Variants in FAM156A observed in about 807,000 individuals in gnomAD.
The protein encoded by FAM156A is family with sequence similarity 156 member A.
At chrX:52,984,652 G>A (rs1930136094) in intron 1 of FAM156A, among the ~76,000 whole-genome samples, 1 of 111,808 alleles carries the variant, frequency 8.9e-6, no homozygotes, top group African/African-American at 3.3e-5. Flanking sequence ...TGGATCACCT[G>A]AGGTCAGGAG....
chrX:52,987,284 C>A (rs1930361486), intron 1 of FAM156A, among the ~76,000 whole-genome samples: 1 of 111,948 alleles, frequency 8.9e-6, no homozygotes, highest in Non-Finnish European at 1.9e-5. Context: ...CATGCAATTC[C>A]AATGAAATTC....
intron 1 of FAM156A, among the ~76,000 whole-genome samples, chrX:52,985,528 C>T (rs1024608825): frequency 9.1e-6 from 1 of 109,863 alleles, no homozygotes; most frequent in African/African-American, 3.3e-5. Context: ...CCAAAGTAAG[C>T]AGAATGAGGG....
chrX:52,975,889 A>T (rs1929432871), intron 1 of FAM156A, among the ~76,000 whole-genome samples: 1 of 111,742 alleles, frequency 8.9e-6, no homozygotes, highest in African/African-American at 3.3e-5. Context: ...GCCTCCTCTT[A>T]TGGACATGCG....
intron 1 of FAM156A, among the ~76,000 whole-genome samples, chrX:52,984,981 A>G (rs1221690451): frequency 9.0e-6 from 1 of 111,717 alleles, no homozygotes; most frequent in Non-Finnish European, 1.9e-5. Context: ...TCTCAGTAAT[A>G]TATAGAAATA....
At chrX:52,981,790 TACTC>T (rs1441486774) in intron 1 of FAM156A, among the ~76,000 whole-genome samples, 1 of 110,566 alleles carries the variant, frequency 9.0e-6, no homozygotes, top group East Asian at 2.8e-4. Context: ...GATTTCAACA[TACTC>T]ACAGAAATTT....
intron 1 of FAM156A, among the ~76,000 whole-genome samples, chrX:52,992,703 G>A (rs1602066327): frequency 9.1e-6 from 1 of 110,338 alleles, no homozygotes; most frequent in East Asian, 2.9e-4. Context: ...ATAGTTCAAG[G>A]TCGATCACCA....
intron 1 of FAM156A, among the ~76,000 whole-genome samples, chrX:52,985,316 G>A (rs1556794201): frequency 9.0e-6 from 1 of 110,790 alleles, no homozygotes; most frequent in African/African-American, 3.3e-5. Context: ...ATGGGTCAAG[G>A]AGCAATACAA....
Position 52,990,811 on chromosome X carries a change from G to GAAAAGAAAAT in FAM156A, c.-434+4494_-434+4495insATTTTCTTTT, listed in dbSNP as rs1930693702. ...AGAAAAGAAAAGAAAGAAAAGAAAA[G>GAAAAGAAAAT]AAAAGAAAAGAAAAGAAAAGAAAAG... On this transcript the variant is annotated intron_variant, in intron 1 of 4. Transcript: ENST00000610625. Among the ~76,000 whole-genome samples the GAAAAGAAAAT allele has an allele frequency of 6.2e-5, 5 of 80,717 alleles. No homozygotes were observed. The South Asian group carries it at 2.8e-3, about 45-fold the overall frequency. 70.1% of individuals were successfully genotyped at this position (80,717 alleles called of 115,157 possible). A position where few individuals can be genotyped will look rare whatever the true frequency, so the allele number is the denominator to read the frequency against.
At chrX:52,979,771 C>T (rs188054467) in intron 1 of FAM156A, among the ~76,000 whole-genome samples, 430 of 112,169 alleles carry the variant, frequency 3.8e-3, no homozygotes, top group Non-Finnish European at 7.0e-3. Context: ...TTTCTTATCA[C>T]AAGAAAGCAA....
chrX:52,986,083 A>G (rs1299906726), intron 1 of FAM156A, among the ~76,000 whole-genome samples: 1 of 110,431 alleles, frequency 9.1e-6, no homozygotes, highest in Non-Finnish European at 1.9e-5. Context: ...ACAAACATAC[A>G]TGTGCATGTG....
At chrX:52,975,051 TACACACACACACACAC>T (rs61081750) in intron 1 of FAM156A, among the ~76,000 whole-genome samples, 23 of 83,669 alleles carry the variant, frequency 2.7e-4, no homozygotes, top group Middle Eastern at 6.5e-3. Flanking sequence ...GTTAAACACA[TACACACACACACACAC>T]ACACACACAC....
At chrX:52,994,839 G>A (rs1239229056) in intron 1 of FAM156A, among the ~76,000 whole-genome samples, 2 of 110,893 alleles carry the variant, frequency 1.8e-5, no homozygotes, top group African/African-American at 6.6e-5. Context: ...ACTTAGCCGG[G>A]CATGGTGGTG....
At chrX:52,978,502 T>A (rs1556792765) in intron 1 of FAM156A, among the ~76,000 whole-genome samples, 1 of 112,264 alleles carries the variant, frequency 8.9e-6, no homozygotes, top group Non-Finnish European at 1.9e-5. Context: ...GTTAAGGAAC[T>A]TTCTCAGGGT....
intron 1 of FAM156A, among the ~76,000 whole-genome samples, chrX:52,980,699 G>A (rs1308752764): frequency 9.0e-6 from 1 of 111,118 alleles, no homozygotes; most frequent in East Asian, 2.9e-4. Context: ...TAGGAGCCAT[G>A]CAACAGAGTG....
intron 1 of FAM156A, among the ~76,000 whole-genome samples, chrX:52,978,910 C>T (rs1929673537): frequency 8.9e-6 from 1 of 112,200 alleles, no homozygotes; most frequent in Admixed American, 9.5e-5. Context: ...TGCTCAGACA[C>T]GTTTCCATGA....
chrX:52,990,599 C>A (rs1930630795), intron 1 of FAM156A, among the ~76,000 whole-genome samples: 1 of 110,080 alleles, frequency 9.1e-6, no homozygotes, highest in Admixed American at 9.8e-5. Context: ...GCCCGGCCAT[C>A]ATGGCAAAAC....
chrX:52,981,829 T>G (rs1929938623), intron 1 of FAM156A, among the ~76,000 whole-genome samples: 1 of 110,772 alleles, frequency 9.0e-6, no homozygotes, highest in Non-Finnish European at 1.9e-5. Context: ...AGGAGCTTTT[T>G]TTTTTTTTCA....
chrX:52,978,150 C>T (rs923448504), intron 1 of FAM156A, among the ~76,000 whole-genome samples: 16 of 111,371 alleles, frequency 1.4e-4, no homozygotes, highest in Non-Finnish European at 2.1e-4. Context: ...CTCCACGATA[C>T]CCTGTAAGGA....
intron 1 of FAM156A, among the ~76,000 whole-genome samples, chrX:52,986,386 T>G (rs1248942021): frequency 9.0e-6 from 1 of 110,703 alleles, no homozygotes; most frequent in African/African-American, 3.3e-5. Context: ...AACTATAGTG[T>G]AATCTCCCTC....
Sources: gnomAD v4.1 joint callset for allele counts (sites outside exome capture counted in the v4.1 genomes callset) on GRCh38, gnomAD v4.1.1 for gene constraint, MANE v1.5 for transcripts, NCBI Gene and HGNC (gene_info 2026-07-23, HGNC 2026-07-21) for gene names.